The following NKAIN3 variants were observed in gnomAD, a reference collection of about 807,000 sequenced individuals.
NKAIN3 encodes the protein sodium/potassium transporting ATPase interacting 3.
Under a neutral mutation model 30.2 loss-of-function variants are expected in NKAIN3, and 25 were observed. That is an observed-to-expected ratio of 0.83 (90% CI 0.60 to 1.16). The LOEUF is 1.16. Ranked by LOEUF, NKAIN3 falls within the 50% of genes most tolerant of loss-of-function variation. The pLI is 0.00. For missense variants in NKAIN3, 225 were observed against 254.1 expected, an observed-to-expected ratio of 0.89 and a Z score of 0.78; for synonymous variants, 91 against 89.6, an observed-to-expected ratio of 1.02 and a Z score of -0.09.
chr8:62,345,492 CACACATATATACACATATATACACAT>C (rs1563942738), intron 1 of NKAIN3, among the ~76,000 whole-genome samples: 9 of 7,716 alleles, frequency 1.2e-3, no homozygotes, highest in Non-Finnish European at 3.5e-3. Flanking sequence ...TGTATATATA[CACACATATATACACATATATACACAT>C]ATATGTATAT....
intron 4 of NKAIN3, among the ~76,000 whole-genome samples, chr8:62,763,349 G>A (rs999877718): frequency 6.6e-5 from 10 of 150,974 alleles, no homozygotes; most frequent in South Asian, 2.1e-4. Context: ...CCAGTGGTTC[G>A]GAATTGATTG....
intron 1 of NKAIN3, among the ~76,000 whole-genome samples, chr8:62,306,146 A>G (rs748947669): frequency 1.3e-5 from 2 of 150,558 alleles, no homozygotes; most frequent in Non-Finnish European, 2.9e-5. Flanking sequence ...CATTAATTCA[A>G]TTCTGCTTGT....
In NKAIN3 at chr8:62,341,672, A is replaced by G. The variant is rs951255395; in HGVS notation, c.54+92545A>G. On this transcript the variant is annotated intron_variant, in intron 1 of 6. Coordinates refer to ENST00000623646, the MANE Select transcript of NKAIN3 (RefSeq NM_001304533.3). ...AGAGTCAAACCTGATGTCTTTTTGTATGAAGATCCACAGGAAAAAAATTCT... is the reference window on the plus strand; with the variant it reads ...AGAGTCAAACCTGATGTCTTTTTGTGTGAAGATCCACAGGAAAAAAATTCT... Among the ~76,000 whole-genome samples, 7 of 152,072 alleles carry G rather than the reference A, an allele frequency of 4.6e-5. No homozygotes were observed. In the East Asian group the frequency reaches 1.4e-3, roughly 30 times the overall value.
intron 3 of NKAIN3, among the ~76,000 whole-genome samples, chr8:62,701,787 T>A (rs994651755): frequency 2.0e-5 from 3 of 152,206 alleles, no homozygotes; most frequent in Non-Finnish European, 4.4e-5. Flanking sequence ...AGCTGCACAT[T>A]CTTCAAAATC....
intron 3 of NKAIN3, among the ~76,000 whole-genome samples, chr8:62,711,144 T>A (rs1345131981): frequency 6.6e-6 from 1 of 152,198 alleles, no homozygotes; most frequent in East Asian, 1.9e-4. Flanking sequence ...GGTTACCTGG[T>A]ACTTCTGTCT....
intron 1 of NKAIN3, among the ~76,000 whole-genome samples, chr8:62,259,537 A>G (rs1339917113): frequency 6.6e-6 from 1 of 152,206 alleles, no homozygotes; most frequent in East Asian, 1.9e-4. Context: ...TCCAAATGCC[A>G]GTTAAATGGT....
chr8:62,274,673 C>T (rs1288557611), intron 1 of NKAIN3, among the ~76,000 whole-genome samples: 1 of 151,834 alleles, frequency 6.6e-6, no homozygotes, highest in Non-Finnish European at 1.5e-5. Context: ...TATACATGTG[C>T]CATGCTGGTG....
intron 4 of NKAIN3, among the ~76,000 whole-genome samples, chr8:62,836,941 A>T (rs967626605): frequency 1.3e-5 from 2 of 152,144 alleles, no homozygotes; most frequent in Non-Finnish European, 2.9e-5. Context: ...GTTTTCCTGG[A>T]AAGTTGAAGT....
At chr8:62,677,455 A>G (rs2130406196) in intron 3 of NKAIN3, among the ~76,000 whole-genome samples, 1 of 152,328 alleles carries the variant, frequency 6.6e-6, no homozygotes, top group African/African-American at 2.4e-5. Context: ...AATTCTTGGA[A>G]AAGGACCCCA....
At chr8:62,303,684 GA>G (rs1334796805) in intron 1 of NKAIN3, among the ~76,000 whole-genome samples, 5 of 150,146 alleles carry the variant, frequency 3.3e-5, no homozygotes, top group African/African-American at 1.3e-4. Flanking sequence ...GTTTTAATTT[GA>G]AAAAAATCAG....
At chr8:62,312,710 G>C (rs1814485235) in intron 1 of NKAIN3, among the ~76,000 whole-genome samples, 1 of 151,972 alleles carries the variant, frequency 6.6e-6, no homozygotes, top group Non-Finnish European at 1.5e-5. Flanking sequence ...CCAGCTACCT[G>C]GGAGGTTGAG....
At chr8:62,441,494 A>G (rs1805323403) in intron 1 of NKAIN3, among the ~76,000 whole-genome samples, 1 of 151,946 alleles carries the variant, frequency 6.6e-6, no homozygotes, top group Non-Finnish European at 1.5e-5. Flanking sequence ...CACAACTATT[A>G]TTGTAATTCC....
chr8:62,957,242 TC>T lies in NKAIN3; in HGVS notation c.603+3272del, dbSNP rs532451150. Among the ~76,000 whole-genome samples the T allele has an allele frequency of 1.4e-4, 22 of 152,196 alleles. No homozygotes were observed. In the East Asian group the frequency reaches 4.1e-3, roughly 28 times the overall value. On this transcript the variant is annotated intron_variant, in intron 6 of 6. Coordinates refer to ENST00000623646, the MANE Select transcript of NKAIN3 (RefSeq NM_001304533.3). ...TCCGCCTCCTGAGTTCACGCCATTCTCCTGCCTCAGCCTCCTGAGTAGCTGG... is the reference window on the plus strand; with the variant it reads ...TCCGCCTCCTGAGTTCACGCCATTCTCTGCCTCAGCCTCCTGAGTAGCTGG...
At chr8:62,468,091 A>G (rs1201265345) in intron 1 of NKAIN3, among the ~76,000 whole-genome samples, 1 of 152,172 alleles carries the variant, frequency 6.6e-6, no homozygotes, top group African/African-American at 2.4e-5. Context: ...ACATAAGTTC[A>G]GCCACAAGTA....
intron 3 of NKAIN3, among the ~76,000 whole-genome samples, chr8:62,657,145 G>A (rs1006528232): frequency 6.6e-6 from 1 of 152,028 alleles, no homozygotes; most frequent in Non-Finnish European, 1.5e-5. Context: ...GCCTATATAT[G>A]GAATTCTACC....
At chr8:62,562,618 TAAG>T (rs1193091441) in intron 1 of NKAIN3, among the ~76,000 whole-genome samples, 1 of 152,102 alleles carries the variant, frequency 6.6e-6, no homozygotes, top group East Asian at 1.9e-4. Flanking sequence ...AAAAGAAAGA[TAAG>T]TAGTTGATGG....
intron 4 of NKAIN3, among the ~76,000 whole-genome samples, chr8:62,870,245 G>GATTTAT (rs1820568517): frequency 9.5e-6 from 1 of 104,722 alleles, no homozygotes; most frequent in Non-Finnish European, 1.8e-5. Flanking sequence ...GATATCTATA[G>GATTTAT]ATATCTATAT....
At chr8:62,340,216 A>G (rs2129590890) in intron 1 of NKAIN3, among the ~76,000 whole-genome samples, 1 of 152,134 alleles carries the variant, frequency 6.6e-6, no homozygotes, top group South Asian at 2.1e-4. Context: ...ATATGATGTA[A>G]TGATATAAAC....
chr8:62,678,613 A>G (rs1473693752), intron 3 of NKAIN3, among the ~76,000 whole-genome samples: 1 of 151,488 alleles, frequency 6.6e-6, no homozygotes, highest in Non-Finnish European at 1.5e-5. Flanking sequence ...TATTAGTACC[A>G]TCATTATTAT....
Sources: gnomAD v4.1 joint callset for allele counts (sites outside exome capture counted in the v4.1 genomes callset) on GRCh38, gnomAD v4.1.1 for gene constraint, MANE v1.5 for transcripts, NCBI Gene and HGNC (gene_info 2026-07-23, HGNC 2026-07-21) for gene names.